KPNA3: variants seen among roughly 807,000 people sequenced by gnomAD.
KPNA3 encodes the protein karyopherin subunit alpha 3, also known as importin subunit alpha-4.
Under a neutral mutation model 73.8 loss-of-function variants are expected in KPNA3, and 13 were observed. The observed-to-expected ratio is 0.18, with a 90% CI of 0.11 to 0.28. The LOEUF (loss-of-function observed/expected upper bound fraction) is 0.28. Among genes scored for constraint, KPNA3 ranks in the 10% least tolerant of loss-of-function variants. KPNA3 has a pLI of 1.00. For synonymous variants in KPNA3, 186 were observed against 206.9 expected, an observed-to-expected ratio of 0.90 and a Z score of 0.87; for missense variants, 360 against 618.1, an observed-to-expected ratio of 0.58 and a Z score of 4.43.
At position 49,732,779 on chromosome 13, in the gene KPNA3, T is replaced by TA. The variant is rs1425770184; in HGVS notation, c.205-4dup. On this transcript the variant is annotated splice_polypyrimidine_tract_variant and splice_region_variant and intron_variant, in intron 3 of 16. Coordinates refer to ENST00000261667, the MANE Select transcript of KPNA3 (RefSeq NM_002267.4). ...ATAGCTTCTAGGGTTACATTTTGCT[T>TA]AAAAAGAAAAAAAAAATAGTTCAGC... is the stretch of plus-strand genomic sequence containing the variant. The TA allele has an allele frequency of 1.3e-6, 2 of 1,559,822 alleles. No individual in the cohort carries two copies. The highest frequency in any genetic ancestry group is 3.7e-5 in the Admixed American group (2 of 54,492).
chr13:49,756,235 C>G (rs151044270), intron 1 of KPNA3, among the ~76,000 whole-genome samples: 1 of 152,342 alleles, frequency 6.6e-6, no homozygotes, highest in African/African-American at 2.4e-5. Context: ...GACTGTGCCA[C>G]TGCACTCCAG....
intron 1 of KPNA3, among the ~76,000 whole-genome samples, chr13:49,762,730 T>TAGGC (rs1392588122): frequency 6.6e-6 from 1 of 151,822 alleles, no homozygotes; most frequent in African/African-American, 2.4e-5. Context: ...AACACTGCGG[T>TAGGC]AGGCCGCAGG....
At chr13:49,747,044 A>G (rs1252947513) in intron 1 of KPNA3, 51 bp from the exon 2 acceptor site, 1 of 1,351,584 alleles carries the variant, frequency 7.4e-7, no homozygotes, top group Non-Finnish European at 1.1e-6. Context: ...GGACACTGCT[A>G]GTATATAAAG....
At chr13:49,715,169 TA>T (rs974519555) in intron 10 of KPNA3, among the ~76,000 whole-genome samples, 17 of 151,838 alleles carry the variant, frequency 1.1e-4, no homozygotes, top group African/African-American at 1.9e-4. Flanking sequence ...TAGATACAAT[TA>T]AAAAAAATTG....
At chr13:49,741,183 GT>G (rs1954570526) in intron 2 of KPNA3, among the ~76,000 whole-genome samples, 1 of 151,998 alleles carries the variant, frequency 6.6e-6, no homozygotes, top group Non-Finnish European at 1.5e-5. Context: ...TGATCACATG[GT>G]AGTTCTATTT....
chr13:49,760,575 T>A (rs1954750793), intron 1 of KPNA3, among the ~76,000 whole-genome samples: 2 of 152,212 alleles, frequency 1.3e-5, no homozygotes, highest in South Asian at 4.1e-4. Flanking sequence ...TCGCAATGTG[T>A]GGACCTTGTA....
At chr13:49,741,112 T>C (rs1292824054) in intron 2 of KPNA3, among the ~76,000 whole-genome samples, 1 of 152,180 alleles carries the variant, frequency 6.6e-6, no homozygotes, top group African/African-American at 2.4e-5. Flanking sequence ...GGAGTGCAGG[T>C]ATCTCTTCAA....
intron 1 of KPNA3, among the ~76,000 whole-genome samples, chr13:49,768,522 T>C (rs2137591010): frequency 6.6e-6 from 1 of 152,002 alleles, no homozygotes; most frequent in Admixed American, 6.6e-5. Context: ...TCTCGTTTGT[T>C]TTTTATTTCT....
At chr13:49,742,382 A>G (rs1373180775) in intron 2 of KPNA3, among the ~76,000 whole-genome samples, 3 of 152,164 alleles carry the variant, frequency 2.0e-5, no homozygotes, top group African/African-American at 7.2e-5. Flanking sequence ...GAAATTAACT[A>G]AAGAAATCTC....
In KPNA3 at chr13:49,701,377, C is replaced by A; in HGVS notation, c.*423G>T. On this transcript the variant is annotated 3_prime_UTR_variant, in exon 17 of 17. Transcript: ENST00000261667. ...AGGACAATGATGGAGGCTCAGATCA[C>A]ACTGCACCTCTTTAGTCTTCCAACT... is the stretch of plus-strand genomic sequence containing the variant. 1 of 384,410 alleles carries A rather than the reference C, an allele frequency of 2.6e-6. No homozygotes were observed. Among genetic ancestry groups the A allele is most frequent in the Non-Finnish European group, 5.5e-6 (1 of 183,210 alleles). The allele number at this position is 384,410 out of a possible 1,614,324, so 23.8% of individuals were successfully genotyped here.
chr13:49,708,935 C>T lies in KPNA3; in HGVS notation c.1032+637G>A, dbSNP rs1023917072. On this transcript the variant is annotated intron_variant, in intron 12 of 16. Transcript: ENST00000261667. ...GCTGGGAGATCAAAATTTTTATGAT[C>T]GGTTTGTTTAAAAAAATACCAGCCC... Among the ~76,000 whole-genome samples the T allele has an allele frequency of 3.9e-5, 6 of 152,086 alleles. No individual in the cohort carries two copies. The East Asian group carries it at 7.7e-4, about 20-fold the overall frequency.
rs1954156884 is a variant in KPNA3 at position 49,702,440 on chromosome 13, T to C, written c.1413A>G (p.Glu471=). The change falls in exon 16 of 17, where the codon GAA becomes GAG. Residue 471 remains glutamate, a synonymous_variant. Coordinates refer to ENST00000261667, the MANE Select transcript of KPNA3 (RefSeq NM_002267.4). ...KIEVLQQHEN[E]DIYKLAFEII... ...TTTCAAATGCTAATTTATATATGTC[T>C]TCATTTTCATGTTGCTGTAAAACTT... 6.4e-7 allele frequency: 1 copy of C among 1,557,572 alleles called. No individual in the cohort carries two copies. The highest frequency in any genetic ancestry group is 2.3e-5 in the East Asian group (1 of 44,162).
chr13:49,735,623 A>C (rs1005053988), intron 2 of KPNA3, among the ~76,000 whole-genome samples: 3 of 152,148 alleles, frequency 2.0e-5, no homozygotes, highest in Admixed American at 6.5e-5. Context: ...TCAGGTGAGA[A>C]AGCAGCTCAG....
At chr13:49,758,856 A>G (rs1954734769) in intron 1 of KPNA3, among the ~76,000 whole-genome samples, 1 of 152,198 alleles carries the variant, frequency 6.6e-6, no homozygotes, top group African/African-American at 2.4e-5. Flanking sequence ...TGTATCTCCA[A>G]CGCCTAGAAA....
intron 1 of KPNA3, among the ~76,000 whole-genome samples, chr13:49,770,149 G>A (rs769133930): frequency 2.8e-4 from 39 of 140,238 alleles, no homozygotes; most frequent in Non-Finnish European, 5.9e-4. Context: ...GATGTATGAT[G>A]TGCAATTTTT....
chr13:49,717,049 T>C (rs1193524711), intron 10 of KPNA3, among the ~76,000 whole-genome samples: 2 of 152,136 alleles, frequency 1.3e-5, no homozygotes, highest in African/African-American at 4.8e-5. Context: ...TTAGTAATAG[T>C]CCATGCCTTC....
intron 2 of KPNA3, among the ~76,000 whole-genome samples, chr13:49,737,551 GTGTGTGTGTC>G (rs1187276880): frequency 1.6e-4 from 20 of 126,812 alleles, no homozygotes; most frequent in Non-Finnish European, 2.0e-4. Flanking sequence ...TTACTATTAA[GTGTGTGTGTC>G]TGTGTGTGTG....
intron 12 of KPNA3, among the ~76,000 whole-genome samples, chr13:49,708,734 T>G (rs774748565): frequency 3.9e-5 from 6 of 152,192 alleles, no homozygotes; most frequent in Non-Finnish European, 8.8e-5. Context: ...GCAAAATGAA[T>G]GAACCTTGAA....
At chr13:49,758,848 T>A (rs1954734688) in intron 1 of KPNA3, among the ~76,000 whole-genome samples, 1 of 152,194 alleles carries the variant, frequency 6.6e-6, no homozygotes, top group Admixed American at 6.5e-5. Context: ...TGGAGATGTG[T>A]ATCTCCAACG....
Sources: gnomAD v4.1 joint callset for allele counts (sites outside exome capture counted in the v4.1 genomes callset) on GRCh38, gnomAD v4.1.1 for gene constraint, MANE v1.5 for transcripts, NCBI Gene and HGNC (gene_info 2026-07-23, HGNC 2026-07-21) for gene names.